SLC35F4: variants seen among roughly 807,000 people sequenced by gnomAD.
SLC35F4 encodes the protein chromosome 14 open reading frame 36.
A neutral mutation model predicts 44.2 loss-of-function variants in SLC35F4; 24 were observed. That is an observed-to-expected ratio of 0.54 (90% CI 0.39 to 0.76). The LOEUF is 0.76. Among genes scored for constraint, SLC35F4 ranks in the 30% least tolerant of loss-of-function variants. SLC35F4 has a pLI of 0.00. For synonymous variants in SLC35F4, 238 were observed against 223.6 expected, an observed-to-expected ratio of 1.06 and a Z score of -0.57; for missense variants, 562 against 586.1, an observed-to-expected ratio of 0.96 and a Z score of 0.42.
chr14:57,882,788 T>A (rs1358781533), intron 1 of SLC35F4, among the ~76,000 whole-genome samples: 23 of 149,756 alleles, frequency 1.5e-4, no homozygotes, highest in Admixed American at 1.5e-3. Flanking sequence ...GACAGATTAA[T>A]TTTTTTTTGC....
At position 57,589,533 on chromosome 14, in the gene SLC35F4, A is replaced by C. The variant is rs771785392; in HGVS notation, c.290-20T>G. 6.3e-6 allele frequency: 10 copies of C among 1,578,872 alleles called. No individual in the cohort carries two copies. The highest frequency in any genetic ancestry group is 1.4e-5 in the African/African-American group (1 of 73,504). On this transcript the variant is annotated intron_variant, in intron 2 of 7. Coordinates refer to ENST00000556826, the MANE Select transcript of SLC35F4 (RefSeq NM_001306087.2). ...CGTCTGCTGGAAACAGGAAAGGAATACAAATGTGAGGAAAGCAGGTTATGA... is the reference window on the plus strand; with the variant it reads ...CGTCTGCTGGAAACAGGAAAGGAATCCAAATGTGAGGAAAGCAGGTTATGA...
intron 1 of SLC35F4, among the ~76,000 whole-genome samples, chr14:57,751,934 C>CTG (rs972020194): frequency 1.2e-4 from 17 of 146,948 alleles, no homozygotes; most frequent in African/African-American, 3.3e-4. Context: ...CTCTCTCTCT[C>CTG]TCTGTGTGTG....
intron 1 of SLC35F4, among the ~76,000 whole-genome samples, chr14:57,731,793 T>G (rs2076350605): frequency 6.6e-6 from 1 of 152,224 alleles, no homozygotes; most frequent in Non-Finnish European, 1.5e-5. Context: ...GATTATAACT[T>G]ATTCTGAAAC....
chr14:57,665,541 C>T (rs917408509), intron 1 of SLC35F4, among the ~76,000 whole-genome samples: 3 of 152,160 alleles, frequency 2.0e-5, no homozygotes, highest in Admixed American at 6.5e-5. Context: ...AGATTGATTT[C>T]GCTAATCACA....
chr14:57,751,824 A>G (rs1377753496), intron 1 of SLC35F4, among the ~76,000 whole-genome samples: 1 of 152,210 alleles, frequency 6.6e-6, no homozygotes. Flanking sequence ...TTTGAGGTAT[A>G]AAATTTGGCC....
intron 1 of SLC35F4, among the ~76,000 whole-genome samples, chr14:57,624,367 A>G (rs2072358899): frequency 6.6e-6 from 1 of 152,204 alleles, no homozygotes; most frequent in Non-Finnish European, 1.5e-5. Context: ...ATTCTACCAG[A>G]GGTACAAAGA....
chr14:57,594,510 G>A (rs1419634234), intron 1 of SLC35F4, among the ~76,000 whole-genome samples: 2 of 152,138 alleles, frequency 1.3e-5, no homozygotes, highest in African/African-American at 4.8e-5. Flanking sequence ...AAAAGAAAAT[G>A]TTATGGCAAG....
chr14:57,667,370 G>A (rs2074347906), intron 1 of SLC35F4, among the ~76,000 whole-genome samples: 1 of 139,000 alleles, frequency 7.2e-6, no homozygotes, highest in Admixed American at 7.2e-5. Flanking sequence ...TAAGTTTTAG[G>A]GTACATGTGC....
At chr14:57,655,964 T>C (rs2073951250) in intron 1 of SLC35F4, among the ~76,000 whole-genome samples, 1 of 152,110 alleles carries the variant, frequency 6.6e-6, no homozygotes, top group Non-Finnish European at 1.5e-5. Flanking sequence ...ATGAGATGCA[T>C]TCCTGAGGAG....
intron 1 of SLC35F4, among the ~76,000 whole-genome samples, chr14:57,629,419 A>G (rs775121656): frequency 2.8e-4 from 42 of 152,130 alleles, no homozygotes; most frequent in Non-Finnish European, 5.7e-4. Context: ...TTGCCTTTCT[A>G]AAGAAATATA....
chr14:57,674,677 C>T (rs1183385884), intron 1 of SLC35F4, among the ~76,000 whole-genome samples: 1 of 152,058 alleles, frequency 6.6e-6, no homozygotes, highest in African/African-American at 2.4e-5. Flanking sequence ...TAGTCTGCCA[C>T]CTTTTTATGG....
At chr14:57,794,523 TTATTAA>T (rs2078008148) in intron 1 of SLC35F4, among the ~76,000 whole-genome samples, 1 of 152,110 alleles carries the variant, frequency 6.6e-6, no homozygotes, top group Admixed American at 6.5e-5. Context: ...AGAATGACCA[TTATTAA>T]CAAGTCAAAA....
At position 57,581,295 on chromosome 14, in the gene SLC35F4, G is replaced by T. The variant is rs547480790; in HGVS notation, c.726C>A (p.Val242=). Residue 242 remains valine (V), a synonymous_variant, in exon 4 of 8, where the codon GTC becomes GTA. Coordinates refer to ENST00000556826, the MANE Select transcript of SLC35F4 (RefSeq NM_001306087.2). ...CTTTGTTACAACAGAACAGAGCGGA[G>T]ACATCCGTGGCCGTCAGCTTCTTTA... ...LALKKLTATD[V]SALFCCNKAF... 1 of 1,613,722 alleles carries T rather than the reference G, an allele frequency of 6.2e-7. No individual in the cohort carries two copies. The highest frequency in any genetic ancestry group is 2.2e-5 in the East Asian group (1 of 44,874).
rs961586337 is a variant in SLC35F4 at position 57,589,608 on chromosome 14, G to A, written c.290-95C>T. The A allele has an allele frequency of 4.9e-6, 6 of 1,231,802 alleles. No homozygotes were observed. The African/African-American group carries it at 6.1e-5, about 12-fold the overall frequency. 76.3% of individuals were successfully genotyped at this position (1,231,802 alleles called of 1,614,324 possible). On this transcript the variant is annotated intron_variant, in intron 2 of 7. Coordinates refer to ENST00000556826, the MANE Select transcript of SLC35F4 (RefSeq NM_001306087.2). ...CTTAAAAAAGATGGATGAAACCAAA[G>A]AGGCAGACAGTAGAATTACCAGTGT...
At chr14:57,583,874 T>TA (rs2069488767) in intron 3 of SLC35F4, among the ~76,000 whole-genome samples, 1 of 152,168 alleles carries the variant, frequency 6.6e-6, no homozygotes, top group South Asian at 2.1e-4. Flanking sequence ...ACAGTGGGTT[T>TA]CTCTTTGGGA....
intron 1 of SLC35F4, among the ~76,000 whole-genome samples, chr14:57,945,303 GCTA>G (rs1410263791): frequency 6.6e-6 from 1 of 151,970 alleles, no homozygotes; most frequent in Admixed American, 6.5e-5. Flanking sequence ...AACCCTGAAA[GCTA>G]CTATTTCTGA....
intron 1 of SLC35F4, among the ~76,000 whole-genome samples, chr14:57,669,630 C>T (rs1376851557): frequency 3.9e-5 from 6 of 152,136 alleles, no homozygotes; most frequent in South Asian, 2.1e-4. Context: ...TGCTGGATTA[C>T]GTTTATTGAT....
At chr14:57,750,132 A>T (rs1054832201) in intron 1 of SLC35F4, among the ~76,000 whole-genome samples, 2 of 151,824 alleles carry the variant, frequency 1.3e-5, no homozygotes, top group Admixed American at 1.3e-4. Context: ...GAGTGAAAAC[A>T]TGCGGTATTT....
At chr14:57,937,564 G>T (rs1232470205) in intron 1 of SLC35F4, among the ~76,000 whole-genome samples, 1 of 121,686 alleles carries the variant, frequency 8.2e-6, no homozygotes, top group Non-Finnish European at 1.7e-5. Flanking sequence ...GGAAAGAAAA[G>T]AAAAGAAAAG....
Sources: allele counts gnomAD v4.1 joint callset (sites outside exome capture counted in the v4.1 genomes callset), GRCh38; gene constraint gnomAD v4.1.1; transcripts MANE v1.5; gene names NCBI Gene and HGNC (gene_info 2026-07-23, HGNC 2026-07-21).